Variants in GALP observed in about 807,000 individuals in gnomAD.
The protein encoded by GALP is galanin like peptide.
Under a neutral mutation model 15.2 loss-of-function variants are expected in GALP, and 12 were observed. The ratio of observed to expected loss-of-function variants is 0.79; its 90% CI spans 0.51 to 1.28. The LOEUF (loss-of-function observed/expected upper bound fraction) is 1.28. GALP is among the 50% of genes most tolerant of loss of function. The pLI is 0.00. For missense variants in GALP, 161 were observed against 145.6 expected, an observed-to-expected ratio of 1.11 and a Z score of -0.55; for synonymous variants, 58 against 55.1, an observed-to-expected ratio of 1.05 and a Z score of -0.23.
At chr19:56,182,909 G>T (rs748691962) in intron 4 of GALP, among the ~76,000 whole-genome samples, 1 of 152,178 alleles carries the variant, frequency 6.6e-6, no homozygotes, top group East Asian at 1.9e-4. Flanking sequence ...TTGTTATATA[G>T]GAAAACTTGT....
chr19:56,181,395 C>CTTTTTTT (rs10656072), intron 3 of GALP, among the ~76,000 whole-genome samples: 1 of 81,316 alleles, frequency 1.2e-5, no homozygotes, highest in Non-Finnish European at 2.2e-5. Context: ...TCTCTCTCTC[C>CTTTTTTT]TTTTTTTTTT....
In GALP at chr19:56,184,735, G is replaced by A. The variant is rs1014427419; in HGVS notation, c.296-480G>A. Among the ~76,000 whole-genome samples the A allele has an allele frequency of 7.3e-5, 11 of 151,674 alleles. No individual in the cohort carries two copies. The South Asian group carries it at 1.9e-3, about 26-fold the overall frequency. On this transcript the variant is annotated intron_variant, in intron 5 of 5. Transcript: ENST00000357330. ...CCTGACCTCGTGATCTGCCTGCCTC[G>A]GCCTCCCCAAGTGCTGGGATTACAG...
chr19:56,177,078 G>A lies in GALP; in HGVS notation c.-31G>A, dbSNP rs377647359. 24 of 1,562,882 alleles carry A rather than the reference G, an allele frequency of 1.5e-5. No individual in the cohort carries two copies. The South Asian group carries it at 1.6e-4, about 10-fold the overall frequency. ...CCGCTCTCTCCTTGCAGCGTGTTCC[G>A]CAGCTGTAGGCACCTGTCGTCCTGC... is the stretch of plus-strand genomic sequence containing the variant. On this transcript the variant is annotated 5_prime_UTR_variant, in exon 2 of 6. Coordinates refer to ENST00000357330, the MANE Select transcript of GALP (RefSeq NM_033106.4).
chr19:56,181,017 C>T (rs959711146), intron 3 of GALP, among the ~76,000 whole-genome samples: 14 of 150,338 alleles, frequency 9.3e-5, no homozygotes, highest in Non-Finnish European at 1.6e-4. Context: ...CTCCGCCGCC[C>T]GAGTAGTTTA....
chr19:56,182,310 T>A, intron 4 of GALP, 58 bp downstream of exon 4: 1 of 1,335,910 alleles, frequency 7.5e-7, no homozygotes, highest in Non-Finnish European at 1.1e-6. Flanking sequence ...GGCTCTCTCC[T>A]GGCTTTGGAA....
intron 5 of GALP, among the ~76,000 whole-genome samples, chr19:56,183,848 T>C (rs989930308): frequency 1.7e-4 from 26 of 152,190 alleles, no homozygotes; most frequent in Non-Finnish European, 3.8e-4. Flanking sequence ...TCCACCTGCC[T>C]CGGCCTCCCA....
chr19:56,178,811 T>C (rs186779729), intron 2 of GALP, among the ~76,000 whole-genome samples: 2 of 152,312 alleles, frequency 1.3e-5, no homozygotes, highest in East Asian at 3.9e-4. Context: ...TTGGTTCTAT[T>C]TTGCTACTTC....
At chr19:56,184,973 T>C (rs111694681) in intron 5 of GALP, among the ~76,000 whole-genome samples, 1,643 of 152,148 alleles carry the variant, frequency 0.011, 25 homozygotes, top group African/African-American at 0.036. Context: ...TCTTAAAATG[T>C]GGGCGGAAAG....
At chr19:56,183,850 G>A (rs539643658) in intron 5 of GALP, among the ~76,000 whole-genome samples, 9 of 151,768 alleles carry the variant, frequency 5.9e-5, no homozygotes, top group East Asian at 1.9e-4. Flanking sequence ...CACCTGCCTC[G>A]GCCTCCCAAA....
intron 2 of GALP, 73 bp from the exon 3 acceptor site, chr19:56,180,513 A>G: frequency 1.5e-6 from 2 of 1,291,400 alleles, no homozygotes; most frequent in South Asian, 1.2e-5. Context: ...GACGACCCAC[A>G]TCACCCCGGA....
chr19:56,183,099 C>A, intron 4 of GALP, 36 bp from the exon 5 acceptor site: 1 of 1,453,486 alleles, frequency 6.9e-7, no homozygotes, highest in Non-Finnish European at 9.7e-7. Flanking sequence ...CTTGTAACTA[C>A]GAACGTGTGT....
chr19:56,183,069 T>C, intron 4 of GALP, 66 bp from the exon 5 acceptor site: 1 of 1,121,888 alleles, frequency 8.9e-7, no homozygotes, highest in East Asian at 2.4e-5. Flanking sequence ...TGTCTGTGTG[T>C]TCTCATCGTT....
rs148584580 is a variant in GALP at position 56,180,609 on chromosome 19, T to G, written c.111T>G (p.Asn37Lys). The G allele has an allele frequency of 6.2e-7, 1 of 1,613,892 alleles. No individual in the cohort carries two copies. The highest frequency in any genetic ancestry group is 1.7e-5 in the Admixed American group (1 of 60,002). The change falls in exon 3 of 6, where the codon AAT becomes AAG. Residue 37 changes from asparagine (N) to lysine (K), a missense_variant. Physicochemically the swap from Asn to Lys is moderately conservative, Grantham distance 94. Coordinates refer to ENST00000357330, the MANE Select transcript of GALP (RefSeq NM_033106.4). ...AGGGACGAGGAGGCTGGACCCTCAA[T>G]AGTGCTGGCTACCTTCTGGGTCCCG... ...AHRGRGGWTL[N>K]SAGYLLGPVL...
At position 56,182,211 on chromosome 19, in the gene GALP, G is replaced by A. The variant is rs762960139; in HGVS notation, c.176G>A (p.Arg59Lys). 1 of 1,614,036 alleles carries A rather than the reference G, an allele frequency of 6.2e-7. No homozygotes were observed. ...LPQMGDQDGK[R>K]ETALEILDLW... ...CAAATGGGTGACCAAGACGGAAAGA[G>A]GGAGACAGCCCTTGAGATCCTAGAC... Residue 59 changes from arginine (R) to lysine (K), a missense_variant, in exon 4 of 6, where the codon AGG becomes AAG. Coordinates refer to ENST00000357330, the MANE Select transcript of GALP (RefSeq NM_033106.4).
chr19:56,181,394 C>CT (rs2032564465), intron 3 of GALP, among the ~76,000 whole-genome samples: 3 of 117,328 alleles, frequency 2.6e-5, no homozygotes, highest in African/African-American at 1.0e-4. Context: ...CTCTCTCTCT[C>CT]CTTTTTTTTT....
rs1310667975 is a variant in GALP at position 56,185,691 on chromosome 19, T to G, written c.*421T>G. 1 of 154,372 alleles carries G rather than the reference T, an allele frequency of 6.5e-6. No individual in the cohort carries two copies. Among genetic ancestry groups the G allele is most frequent in the Non-Finnish European group, 1.4e-5 (1 of 69,638 alleles). 9.6% of individuals were successfully genotyped at this position (154,372 alleles called of 1,614,324 possible). ...AAATTGCGTACTTACTCCTCCATAT[T>G]CTTTCAACCCACATGAGTCTCCTCG... On this transcript the variant is annotated 3_prime_UTR_variant, in exon 6 of 6. Transcript: ENST00000357330.
intron 1 of GALP, among the ~76,000 whole-genome samples, 180 bp downstream of exon 1, chr19:56,176,242 GCGGA>G (rs2032456273): frequency 6.9e-6 from 1 of 144,090 alleles, no homozygotes; most frequent in East Asian, 2.1e-4. Context: ...GGGCACAGGG[GCGGA>G]TGCCAGCTGC....
At chr19:56,180,506 G>A (rs1468275768) in intron 2 of GALP, 80 bp from the exon 3 acceptor site, 15 of 1,190,738 alleles carry the variant, frequency 1.3e-5, no homozygotes, top group South Asian at 6.1e-5. Flanking sequence ...GTCGTATGAC[G>A]ACCCACATCA....
intron 1 of GALP, among the ~76,000 whole-genome samples, chr19:56,176,862 G>A (rs1419725469): frequency 7.7e-6 from 1 of 129,274 alleles, no homozygotes; most frequent in Non-Finnish European, 1.6e-5. Flanking sequence ...GGGCGCTGGG[G>A]GACCAGGTCG....
Sources: gnomAD v4.1 joint callset for allele counts (sites outside exome capture counted in the v4.1 genomes callset) on GRCh38, gnomAD v4.1.1 for gene constraint, MANE v1.5 for transcripts, NCBI Gene and HGNC (gene_info 2026-07-23, HGNC 2026-07-21) for gene names.